NPC1: variants seen among roughly 807,000 people sequenced by gnomAD.
NPC1 encodes the protein Niemann-Pick C1 protein.
Under a neutral mutation model 140.4 loss-of-function variants are expected in NPC1, and 85 were observed. The ratio of observed to expected loss-of-function variants is 0.61; its 90% confidence interval spans 0.51 to 0.72. The LOEUF is 0.72. Ranked by LOEUF, NPC1 falls within the 30% of genes least tolerant of loss-of-function variation. NPC1 has a pLI of 0.00. For missense variants in NPC1, 1,504 were observed against 1,623.8 expected (o/e 0.93, Z 1.27); for synonymous variants, 656 against 624.8 (o/e 1.05, Z -0.74).
intron 3 of NPC1, among the ~76,000 whole-genome samples, chr18:23,570,810 GAACAGA>G (rs1175697032): frequency 2.8e-4 from 43 of 152,168 alleles, no homozygotes; most frequent in Non-Finnish European, 1.0e-4. Flanking sequence ...ATAGCCAACA[GAACAGA>G]TAAAAAACTA....
chr18:23,541,389 C>A lies in NPC1; in HGVS notation c.2290G>T (p.Ala764Ser). 1 of 1,614,194 alleles carries A rather than the reference C, an allele frequency of 6.2e-7. No individual in the cohort carries two copies. The highest frequency in any genetic ancestry group is 1.3e-5 in the African/African-American group (1 of 75,060). The change falls in exon 15 of 25, where the codon GCG becomes TCG. Residue 764 changes from alanine (A) to serine (S), a missense_variant. Coordinates refer to ENST00000269228, the MANE Select transcript of NPC1 (RefSeq NM_000271.5). Reference protein sequence around the residue: ...MPAVHTFSLFAGLAVFIDFLL... With the variant: ...MPAVHTFSLFSGLAVFIDFLL... The stretch of plus-strand genomic sequence containing the variant: ...AAGTCAATGAAGACTGCCAATCCCG[C>A]AAAGAGAGAGAAGGTGTGCACGGCT...
chr18:23,550,100 C>T (rs1396139868), intron 10 of NPC1, among the ~76,000 whole-genome samples: 4 of 151,864 alleles, frequency 2.6e-5, no homozygotes, highest in Non-Finnish European at 5.9e-5. Flanking sequence ...CAGCCTCAAC[C>T]TCCTGGGCTC....
downstream of NPC1, chr18:23,530,328 G>A: frequency 6.2e-7 from 1 of 1,614,130 alleles, no homozygotes; most frequent in Non-Finnish European, 8.5e-7. Context: ...TTTAGACTAT[G>A]GAAACTAACT....
In NPC1 at chr18:23,568,948, CAT is replaced by C; in HGVS notation, c.336_337del (p.Cys113Ter). 4 of 1,613,994 alleles carry C rather than the reference CAT, an allele frequency of 2.5e-6. No homozygotes were observed. Among genetic ancestry groups the C allele is most frequent in the Non-Finnish European group, 3.4e-6 (4 of 1,179,912 alleles). ...CAAAAACTGACTCTGTCGAGGGCTA[CAT>C]GTCAGCTCACAAAACAGGTTCAGTA... On this transcript the variant is annotated frameshift_variant, in exon 4 of 25. Transcript: ENST00000269228. LOFTEE classifies it high-confidence loss of function.
chr18:23,508,850 A>G (rs1286839570), intron 3 of NPC1: 1 of 154,384 alleles, frequency 6.5e-6, no homozygotes, highest in African/African-American at 2.4e-5. Context: ...TACATTTTTA[A>G]TAACCATTTT....
chr18:23,524,007 T>G (rs891386), intron 1 of NPC1: 464,737 of 1,090,348 alleles, frequency 0.43, 103,464 homozygotes, highest in Admixed American at 0.51. Flanking sequence ...CATTTCTTCC[T>G]TGACTACAAT....
chr18:23,582,014 G>C (rs2059362537), intron 1 of NPC1: 1 of 151,956 alleles, frequency 6.6e-6, no homozygotes, highest in Non-Finnish European at 1.5e-5. Context: ...CTTACTTATT[G>C]TTTTGGACTA....
At chr18:23,535,740 A>T (rs755641186) in intron 21 of NPC1, 40 bp from the exon 22 acceptor site, 27 of 1,271,618 alleles carry the variant, frequency 2.1e-5, no homozygotes, top group Admixed American at 3.4e-5. Flanking sequence ...GCTCGCTCTC[A>T]CTCCCGAACA....
At chr18:23,576,510 A>T in intron 1 of NPC1, 1 of 994,162 alleles carries the variant, frequency 1.0e-6, no homozygotes, top group Non-Finnish European at 1.2e-6. Context: ...AGGCTTAGGC[A>T]CTATTTTAAA....
downstream of NPC1, chr18:23,527,724 A>T: frequency 1.4e-5 from 17 of 1,220,150 alleles, no homozygotes; most frequent in South Asian, 1.9e-4. Context: ...TTTTTATCAT[A>T]GCAACGTGTG....
chr18:23,532,712 T>TTC (rs1555631353), intron 24 of NPC1, among the ~76,000 whole-genome samples: 16 of 151,260 alleles, frequency 1.1e-4, no homozygotes, highest in African/African-American at 3.9e-4. Context: ...TTTTTTTTTT[T>TTC]CTTAAAAGGA....
chr18:23,574,109 C>G (rs2059241788), intron 1 of NPC1, among the ~76,000 whole-genome samples: 1 of 152,172 alleles, frequency 6.6e-6, no homozygotes, highest in Admixed American at 6.5e-5. Context: ...AAAGAATGTG[C>G]TAACTTTAAG....
At chr18:23,550,479 C>CTTCTTTTTTTTTTTTTT (rs746388624) in intron 10 of NPC1, among the ~76,000 whole-genome samples, 8 of 74,946 alleles carry the variant, frequency 1.1e-4, no homozygotes, top group African/African-American at 5.2e-4. Context: ...TCTTACATTT[C>CTTCTTTTTTTTTTTTTT]TTTTTTTTTT....
intron 4 of NPC1, among the ~76,000 whole-genome samples, chr18:23,564,129 C>T (rs112318161): frequency 0.043 from 6,403 of 150,554 alleles, 417 homozygotes; most frequent in African/African-American, 0.15. Flanking sequence ...GGATTACAGG[C>T]GCACATCACC....
At chr18:23,563,323 G>A (rs772322334) in intron 4 of NPC1, among the ~76,000 whole-genome samples, 6 of 152,204 alleles carry the variant, frequency 3.9e-5, no homozygotes, top group Non-Finnish European at 8.8e-5. Context: ...CAGTAATGCT[G>A]CTAGAAGCAT....
At chr18:23,512,059 C>A (rs182998243) in intron 3 of NPC1, among the ~76,000 whole-genome samples, 5 of 147,360 alleles carry the variant, frequency 3.4e-5, no homozygotes, top group Non-Finnish European at 7.4e-5. Flanking sequence ...CTCACTCCGT[C>A]GCCCAGGCTG....
In NPC1 at chr18:23,544,523, C is replaced by G; in HGVS notation, c.1951G>C (p.Asp651His). The G allele has an allele frequency of 6.2e-7, 1 of 1,614,142 alleles. No individual in the cohort carries two copies. Among genetic ancestry groups the G allele is most frequent in the Non-Finnish European group, 8.5e-7 (1 of 1,180,000 alleles). Reference protein sequence around the residue: ...HMKSCRRLLVDSKVSLGIAGI... With the variant: ...HMKSCRRLLVHSKVSLGIAGI... Reference sequence around the variant, plus strand: ...GCGATGCCTAGTGAGACCTTCGAATCCACCTGAGAGAGGCGACAGACACAA... The same window carrying G: ...GCGATGCCTAGTGAGACCTTCGAATGCACCTGAGAGAGGCGACAGACACAA... Residue 651 changes from aspartate to histidine, a missense_variant, in exon 13 of 25, where the codon GAT (aspartate) becomes CAT (histidine). Transcript: ENST00000269228.
rs113344305 is a variant in NPC1, at chr18:23,564,394, G to C, written c.464-2867C>G. On this transcript the variant is annotated intron_variant, in intron 4 of 24. Coordinates refer to ENST00000269228, the MANE Select transcript of NPC1 (RefSeq NM_000271.5). Reference sequence around the variant, plus strand: ...GTCTCACTCTGTCACCCAGGCTGGAGTGCGAGGTACTTAGTGCAGCCTCCT... The same window carrying C: ...GTCTCACTCTGTCACCCAGGCTGGACTGCGAGGTACTTAGTGCAGCCTCCT... Among the ~76,000 whole-genome samples, 1,130 of 152,168 alleles carry C rather than the reference G, an allele frequency of 7.4e-3. 1 individual carries two copies. Among genetic ancestry groups the C allele is most frequent in the Non-Finnish European group, 0.012 (797 of 67,992 alleles).
At chr18:23,547,873 G>T in intron 11 of NPC1, 133 bp downstream of exon 11, 1 of 770,876 alleles carries the variant, frequency 1.3e-6, no homozygotes, top group Non-Finnish European at 2.4e-6. Flanking sequence ...AGCATCATTA[G>T]TACCAAGTGA....
Sources: allele counts gnomAD v4.1 joint callset (sites outside exome capture counted in the v4.1 genomes callset), GRCh38; gene constraint gnomAD v4.1.1; transcripts MANE v1.5; gene names NCBI Gene and HGNC (gene_info 2026-07-23, HGNC 2026-07-21).